Variants in ADAR observed in about 807,000 individuals in gnomAD.
ADAR encodes the protein adenosine deaminase RNA specific, also known as double-stranded RNA-specific adenosine deaminase.
ADAR carries 41 observed loss-of-function variants against 113.2 expected under a neutral mutation model. That is an observed-to-expected ratio of 0.36 (90% confidence interval 0.28 to 0.47). The LOEUF (loss-of-function observed/expected upper bound fraction) is 0.47, where lower values mean the gene tolerates loss of function less well. Ranked by LOEUF, ADAR falls within the 20% of genes least tolerant of loss-of-function variation. The probability of loss-of-function intolerance (pLI) is 1.00; values close to 1 mark genes in which losing one functional copy is unlikely to be tolerated. For missense variants in ADAR, 1,242 were observed against 1,540.9 expected, an observed-to-expected ratio of 0.81 and a Z score of 3.25; for synonymous variants, 605 against 572.6, an observed-to-expected ratio of 1.06 and a Z score of -0.81.
chr1:154,602,243 C>A lies in ADAR; in HGVS notation c.399G>T (p.Leu133=), dbSNP rs757791798. The change falls in exon 2 of 15, where the codon CTG becomes CTT. Residue 133 remains leucine, a synonymous_variant. Coordinates refer to ENST00000368474, the MANE Select transcript of ADAR (RefSeq NM_001111.5). ...TTTGTTCCTGATCTTGGTAGATACT[C>A]AGTTCCTGGAAATGTGAGGAAAGGC... ...VDCLSSHFQE[L]SIYQDQEQRI... is the part of the protein sequence containing the mutation. 8.1e-6 allele frequency: 13 copies of A among 1,614,214 alleles called. No homozygotes were observed. The highest frequency in any genetic ancestry group is 1.1e-5 in the Non-Finnish European group (13 of 1,180,030).
intron 7 of ADAR, 96 bp downstream of exon 7, chr1:154,590,088 C>A: frequency 6.6e-7 from 1 of 1,507,680 alleles, no homozygotes; most frequent in Admixed American, 1.7e-5. Context: ...AGAGTAAAGC[C>A]TAGGAATAAC....
intron 11 of ADAR, among the ~76,000 whole-genome samples, chr1:154,587,487 T>A (rs1696842180): frequency 6.6e-6 from 1 of 152,176 alleles, no homozygotes; most frequent in Non-Finnish European, 1.5e-5. Flanking sequence ...TGGACACAGA[T>A]CTCCATCTCT....
intron 1 of ADAR, among the ~76,000 whole-genome samples, chr1:154,627,054 G>C (rs997377518): frequency 6.6e-6 from 1 of 152,078 alleles, no homozygotes; most frequent in Admixed American, 6.5e-5. Context: ...GTCTCCTCCC[G>C]TGGCAGCCTA....
At position 154,607,973 on chromosome 1, in the gene ADAR, C is replaced by A; in HGVS notation, c.15+19G>T. On this transcript the variant is annotated intron_variant, in intron 1 of 14. Coordinates refer to ENST00000368474, the MANE Select transcript of ADAR (RefSeq NM_001111.5). ...ACGAACCCAGACGGCGGCGAAGGTC[C>A]AAGGCCGGCCCGGCTTACCTGCCGC... 1 of 1,611,466 alleles carries A rather than the reference C, an allele frequency of 6.2e-7. No homozygotes were observed. The highest frequency in any genetic ancestry group is 8.5e-7 in the Non-Finnish European group (1 of 1,179,076).
intron 1 of ADAR, among the ~76,000 whole-genome samples, chr1:154,615,408 T>C (rs1057513906): frequency 7.9e-5 from 12 of 152,036 alleles, no homozygotes; most frequent in African/African-American, 2.7e-4. Context: ...TGCACAGCCA[T>C]GATGTCCTTT....
intron 1 of ADAR, among the ~76,000 whole-genome samples, chr1:154,626,423 G>C (rs914113764): frequency 6.6e-6 from 1 of 152,170 alleles, no homozygotes; most frequent in Non-Finnish European, 1.5e-5. Flanking sequence ...CCTAAAGTGA[G>C]ATCTTCACCT....
chr1:154,603,305 A>T (rs2101648884), intron 1 of ADAR, among the ~76,000 whole-genome samples: 1 of 152,318 alleles, frequency 6.6e-6, no homozygotes, highest in South Asian at 2.1e-4. Flanking sequence ...GTGGCTCTTC[A>T]CTGCCATCCC....
At chr1:154,623,175 G>A (rs1442774546) in intron 1 of ADAR, among the ~76,000 whole-genome samples, 1 of 152,208 alleles carries the variant, frequency 6.6e-6, no homozygotes, top group East Asian at 1.9e-4. Context: ...GTGTTTATGG[G>A]AGCAGAGAGA....
At chr1:154,599,385 A>G (rs1236658625) in intron 2 of ADAR, among the ~76,000 whole-genome samples, 2 of 152,248 alleles carry the variant, frequency 1.3e-5, no homozygotes, top group Admixed American at 1.3e-4. Context: ...AAGAATGACT[A>G]ACCACAAAAT....
rs200754665 is a variant in ADAR, at chr1:154,602,427, C to T, written c.215G>A (p.Arg72Gln). 27 of 1,609,326 alleles carry T rather than the reference C, an allele frequency of 1.7e-5. No individual in the cohort carries two copies. Among genetic ancestry groups the T allele is most frequent in the Admixed American group, 3.3e-5 (2 of 59,796 alleles). The change falls in exon 2 of 15, where the codon CGG (arginine) becomes CAG (glutamine). Residue 72 changes from arginine (R) to glutamine (Q), a missense_variant. By Grantham distance (43) the Arg-to-Gln change is conservative. Around this residue, in one of 2 missense-constraint regions of ADAR, gnomAD observed 462 missense variants for 483.1 expected, o/e 0.96. Coordinates refer to ENST00000368474, the MANE Select transcript of ADAR (RefSeq NM_001111.5). ...PSLPPSLPGLRPRFPVLLASS... is the reference protein window; with the variant it reads ...PSLPPSLPGLQPRFPVLLASS... ...GGCAAGTAGTACTGGAAACCTTGGC[C>T]GGAGTCCTGGGAGGGAAGGTGGCAG... is the stretch of plus-strand genomic sequence containing the variant.
At chr1:154,611,464 CT>C (rs984110220), upstream of ADAR, among the ~76,000 whole-genome samples, 97 of 146,260 alleles carry the variant, frequency 6.6e-4, no homozygotes, top group Admixed American at 1.0e-3. Flanking sequence ...GTGATGATGT[CT>C]TTTTTTTTTT....
At chr1:154,589,497 G>A in intron 8 of ADAR, 35 bp from the exon 9 acceptor site, 2 of 1,555,456 alleles carry the variant, frequency 1.3e-6, no homozygotes, top group Non-Finnish European at 1.8e-6. Context: ...TAGAATAATG[G>A]AAGGAAACCG....
chr1:154,589,620 C>T, intron 8 of ADAR, 137 bp downstream of exon 8: 1 of 1,255,134 alleles, frequency 8.0e-7, no homozygotes, highest in Non-Finnish European at 1.1e-6. Flanking sequence ...GAACTCATTC[C>T]TCACTCTGAA....
In ADAR at chr1:154,623,539, G is replaced by T. The variant is rs938821662; in HGVS notation, c.-871+4316C>A. 2.0e-5 allele frequency among the ~76,000 whole-genome samples: 3 copies of T among 152,186 alleles called. No homozygotes were observed. The South Asian group carries it at 6.2e-4, about 31-fold the overall frequency. On this transcript the variant is annotated intron_variant, in intron 1 of 14. Coordinates refer to the ADAR transcript ENST00000368471. ...GAACTTCCCCATCCCATAAGGTTAT[G>T]GACGGGCAGTTTACTTCCTCATCCC...
Position 154,586,236 on chromosome 1 carries a change from T to C in ADAR, c.3147A>G (p.Gln1049=), listed in dbSNP as rs1696753242. 6.2e-7 allele frequency: 1 copy of C among 1,614,218 alleles called. No individual in the cohort carries two copies. Among genetic ancestry groups the C allele is most frequent in the Non-Finnish European group, 8.5e-7 (1 of 1,180,028 alleles). Residue 1049 remains glutamine, a synonymous_variant, in exon 12 of 15, where the codon CAA becomes CAG. Coordinates refer to ENST00000368474, the MANE Select transcript of ADAR (RefSeq NM_001111.5). ...GCAGGAAGTGGGTCAACAGTGCCCC[T>C]TGCAGGCCCAGCACGTTCCAGCGTA... ...KILRWNVLGL[Q]GALLTHFLQP...
At chr1:154,597,057 C>A in intron 5 of ADAR, 62 bp from the exon 6 acceptor site, 1 of 1,614,088 alleles carries the variant, frequency 6.2e-7, no homozygotes, top group Non-Finnish European at 8.5e-7. Context: ...GAGGGAGTCA[C>A]TGGCAATCTT....
At chr1:154,585,459 G>A in intron 13 of ADAR, 115 bp from the exon 14 acceptor site, 7 of 1,486,702 alleles carry the variant, frequency 4.7e-6, no homozygotes, top group Non-Finnish European at 6.5e-6. Flanking sequence ...TCTTTCCCCT[G>A]TATTTAGGGT....
At position 154,590,495 on chromosome 1, in the gene ADAR, CAGTCTTGCA is replaced by C. The variant is rs139711360; in HGVS notation, c.2271-95_2271-87del. ...GGGTTAGTTTTGCTGAAGATGTGGC[CAGTCTTGCA>C]AACATATGGACCCGTCAAACAGAAG... On this transcript the variant is annotated intron_variant, in intron 6 of 14. Coordinates refer to ENST00000368474, the MANE Select transcript of ADAR (RefSeq NM_001111.5). 116 of 1,337,156 alleles carry C rather than the reference CAGTCTTGCA, an allele frequency of 8.7e-5. 1 individual carries two copies. The African/African-American group carries it at 1.5e-3, about 17-fold the overall frequency. The allele number at this position is 1,337,156 out of a possible 1,614,324, so 82.8% of individuals were successfully genotyped here.
In ADAR at chr1:154,584,889, T is replaced by G. The variant is rs2101556953; in HGVS notation, c.3598A>C (p.Lys1200Gln). The change falls in exon 15 of 15, where the codon AAA becomes CAA. Residue 1200 changes from lysine to glutamine, a missense_variant. By Grantham distance (53) the Lys-to-Gln change is moderately conservative. Around this residue, in one of 2 missense-constraint regions of ADAR, gnomAD observed 780 missense variants for 1,057.9 expected, o/e 0.74. Transcript: ENST00000368474. Reference protein sequence around the residue: ...RDYETAKNYFKKGLKDMGYGN... With the variant: ...RDYETAKNYFQKGLKDMGYGN... ...TAGCCCATATCCTTCAGGCCTTTTT[T>G]GAAGTAGTTCTTGGCCGTCTCGTAG... 2 of 1,614,202 alleles carry G rather than the reference T, an allele frequency of 1.2e-6. No individual in the cohort carries two copies. The highest frequency in any genetic ancestry group is 1.7e-6 in the Non-Finnish European group (2 of 1,180,040).
Sources: gnomAD v4.1 joint callset for allele counts (sites outside exome capture counted in the v4.1 genomes callset) on GRCh38, gnomAD v4.1.1 for gene constraint, gnomAD v4.1.1 regional missense constraint, MANE v1.5 for transcripts, NCBI Gene and HGNC (gene_info 2026-07-23, HGNC 2026-07-21) for gene names.